Variants in STX7 observed in about 807,000 individuals in gnomAD.
The protein encoded by STX7 is syntaxin 7, also known as syntaxin-7.
In STX7, 34 loss-of-function variants were observed where a neutral mutation model predicts 39.6. The ratio of observed to expected loss-of-function variants is 0.86; its 90% CI spans 0.65 to 1.14. The LOEUF (loss-of-function observed/expected upper bound fraction) is 1.14. Ranked by LOEUF, STX7 falls within the 50% of genes most tolerant of loss-of-function variation. The probability of loss-of-function intolerance (pLI) is 0.00; values close to 1 mark genes in which losing one functional copy is unlikely to be tolerated. For missense variants in STX7, 284 were observed against 310.4 expected (o/e 0.92, Z 0.64); for synonymous variants, 119 against 99.1 (o/e 1.20, Z -1.19).
intron 3 of STX7, 90 bp from the exon 4 acceptor site, chr6:132,472,465 T>C (rs1285174681): frequency 8.1e-6 from 8 of 986,052 alleles, no homozygotes; most frequent in African/African-American, 3.3e-5. Flanking sequence ...TGATAAACAG[T>C]TGTACAAAAA....
intron 1 of STX7, among the ~76,000 whole-genome samples, chr6:132,503,994 C>T (rs556721189): frequency 1.3e-3 from 191 of 152,300 alleles, no homozygotes; most frequent in African/African-American, 4.4e-3. Flanking sequence ...ACTCTTAGCA[C>T]AAACAGGCAT....
chr6:132,482,095 A>G (rs775648151), intron 2 of STX7, among the ~76,000 whole-genome samples: 1 of 152,240 alleles, frequency 6.6e-6, no homozygotes, highest in South Asian at 2.1e-4. Flanking sequence ...TGAGTGAACC[A>G]TAAAAAGAAT....
chr6:132,505,739 TAAA>T (rs368964430), intron 1 of STX7, among the ~76,000 whole-genome samples: 10 of 60,418 alleles, frequency 1.7e-4, no homozygotes, highest in African/African-American at 4.4e-4. Flanking sequence ...CCAAGTCACT[TAAA>T]AAAAAAAAAA....
intron 9 of STX7, among the ~76,000 whole-genome samples, 159 bp downstream of exon 9, chr6:132,463,834 T>C (rs1164895090): frequency 1.3e-5 from 2 of 152,214 alleles, no homozygotes; most frequent in East Asian, 3.8e-4. Context: ...AGTTCTAAAC[T>C]GACTGGTATT....
At chr6:132,479,237 AGCTTC>A (rs553365364) in intron 2 of STX7, among the ~76,000 whole-genome samples, 207 of 152,344 alleles carry the variant, frequency 1.4e-3, no homozygotes, top group African/African-American at 4.2e-3. Flanking sequence ...TACCAGCTTT[AGCTTC>A]AACTCCCAAA....
At chr6:132,494,471 G>A (rs1220444536) in intron 2 of STX7, among the ~76,000 whole-genome samples, 1 of 152,180 alleles carries the variant, frequency 6.6e-6, no homozygotes, top group Non-Finnish European at 1.5e-5. Context: ...ACTGGAGGAA[G>A]CAAAATGATA....
chr6:132,469,333 T>C (rs1346138821), intron 7 of STX7, among the ~76,000 whole-genome samples: 1 of 152,208 alleles, frequency 6.6e-6, no homozygotes, highest in East Asian at 1.9e-4. Context: ...ATCCAGACTC[T>C]TGGACAGACA....
intron 9 of STX7, among the ~76,000 whole-genome samples, chr6:132,462,351 A>G (rs1225483974): frequency 6.6e-6 from 1 of 152,210 alleles, no homozygotes; most frequent in Admixed American, 6.5e-5. Context: ...AGCTGGGGGA[A>G]TTAAGCCTAG....
chr6:132,473,282 A>G (rs1366384704), intron 3 of STX7, among the ~76,000 whole-genome samples: 1 of 152,214 alleles, frequency 6.6e-6, no homozygotes, highest in African/African-American at 2.4e-5. Flanking sequence ...TAAAAGAAGT[A>G]AATTATAGTC....
chr6:132,482,801 C>A (rs1395389051), intron 2 of STX7, among the ~76,000 whole-genome samples: 1 of 152,104 alleles, frequency 6.6e-6, no homozygotes, highest in African/African-American at 2.4e-5. Flanking sequence ...GAAACGCCTG[C>A]TCTTTCTCTG....
chr6:132,512,236 T>C (rs1464023060), intron 1 of STX7, among the ~76,000 whole-genome samples: 1 of 152,082 alleles, frequency 6.6e-6, no homozygotes, highest in Non-Finnish European at 1.5e-5. Flanking sequence ...AATACAACGA[T>C]CTGAGGTAAA....
Position 132,506,409 on chromosome 6 carries a change from C to T in STX7, c.-58-2821G>A, listed in dbSNP as rs372430725. On this transcript the variant is annotated intron_variant, in intron 1 of 9. Coordinates refer to ENST00000367941, the MANE Select transcript of STX7 (RefSeq NM_003569.3). ...ACTCAAACAACTCAACAAAAAACCC[C>T]ACAAATAACCCCATTAAAAAGGGGG... Among the ~76,000 whole-genome samples the T allele has an allele frequency of 4.6e-5, 7 of 151,934 alleles. No homozygotes were observed. In the South Asian group the frequency reaches 8.3e-4, roughly 18 times the overall value.
chr6:132,503,467 T>C lies in STX7; in HGVS notation c.64A>G (p.Ile22Val), dbSNP rs770796111. Reference protein sequence around the residue: ...AQLAQRISSNIQKITQCSVEI... With the variant: ...AQLAQRISSNVQKITQCSVEI... Reference sequence around the variant, plus strand: ...TCACAACACTGTGTGATCTTCTGGATGTTAGAAGAGATCCTCTGGGCCAAC... The same window carrying C: ...TCACAACACTGTGTGATCTTCTGGACGTTAGAAGAGATCCTCTGGGCCAAC... The change falls in exon 2 of 10, where the codon ATC (isoleucine) becomes GTC (valine). Residue 22 changes from isoleucine (I) to valine (V), a missense_variant. Transcript: ENST00000367941. 3 of 1,614,058 alleles carry C rather than the reference T, an allele frequency of 1.9e-6. No homozygotes were observed. The highest frequency in any genetic ancestry group is 2.5e-6 in the Non-Finnish European group (3 of 1,179,906).
rs1321795714 is a variant in STX7, at chr6:132,451,503, T to C, written c.*9255A>G. 6.6e-6 allele frequency: 1 copy of C among 152,164 alleles called. No homozygotes were observed. Among genetic ancestry groups the C allele is most frequent in the African/African-American group, 2.4e-5 (1 of 41,436 alleles). The allele number at this position is 152,164 out of a possible 1,614,324, so 9.4% of individuals were successfully genotyped here. A position where few individuals can be genotyped will look rare whatever the true frequency, so the allele number is the denominator to read the frequency against. ...ATATCAAGGGAAAATCAAGACATTT[T>C]CAGATGAAAGAAAACTGAGAGAATT... On this transcript the variant is annotated 3_prime_UTR_variant, in exon 10 of 10. Coordinates refer to ENST00000367941, the MANE Select transcript of STX7 (RefSeq NM_003569.3).
chr6:132,478,274 A>G (rs542694170), intron 2 of STX7, among the ~76,000 whole-genome samples: 113 of 152,342 alleles, frequency 7.4e-4, no homozygotes, highest in African/African-American at 2.6e-3. Flanking sequence ...CGAAATGCAT[A>G]TCAATTTTGC....
At chr6:132,481,306 T>A (rs776666745) in intron 2 of STX7, among the ~76,000 whole-genome samples, 1 of 151,830 alleles carries the variant, frequency 6.6e-6, no homozygotes, top group Admixed American at 6.6e-5. Context: ...CACTGAGAAG[T>A]AGCACCACAG....
intron 2 of STX7, among the ~76,000 whole-genome samples, chr6:132,479,861 T>A (rs1009900925): frequency 1.3e-5 from 2 of 152,246 alleles, no homozygotes; most frequent in African/African-American, 4.8e-5. Context: ...TTACCCATTT[T>A]ATTTTCTATG....
At chr6:132,493,227 A>G (rs1775339464) in intron 2 of STX7, among the ~76,000 whole-genome samples, 1 of 152,240 alleles carries the variant, frequency 6.6e-6, no homozygotes, top group Non-Finnish European at 1.5e-5. Flanking sequence ...CTTGCAGAAT[A>G]ATATCTTGTA....
At chr6:132,509,978 C>G (rs1775807070) in intron 1 of STX7, among the ~76,000 whole-genome samples, 1 of 152,158 alleles carries the variant, frequency 6.6e-6, no homozygotes, top group Non-Finnish European at 1.5e-5. Context: ...TTTAATTGCT[C>G]AGAATAATAA....
Sources: allele counts gnomAD v4.1 joint callset (sites outside exome capture counted in the v4.1 genomes callset), GRCh38; gene constraint gnomAD v4.1.1; transcripts MANE v1.5; gene names NCBI Gene and HGNC (gene_info 2026-07-23, HGNC 2026-07-21).